The following KCNQ1 variants were observed in gnomAD, a reference collection of about 807,000 sequenced individuals.
KCNQ1 encodes potassium voltage-gated channel subfamily Q member 1, also known as potassium voltage-gated channel subfamily KQT member 1.
KCNQ1 carries 49 observed loss-of-function variants against 72.4 expected under a neutral mutation model. That is an observed-to-expected ratio of 0.68 (90% CI 0.54 to 0.86). The LOEUF (loss-of-function observed/expected upper bound fraction) is 0.86. Among genes scored for constraint, KCNQ1 ranks in the 40% least tolerant of loss-of-function variants. The probability of loss-of-function intolerance (pLI) is 0.00; values close to 1 mark genes in which losing one functional copy is unlikely to be tolerated. For synonymous variants in KCNQ1, 450 were observed against 412.6 expected (o/e 1.09, Z -1.10); for missense variants, 790 against 945.1 (o/e 0.84, Z 2.15).
rs1254790588 is a variant in KCNQ1, at chr11:2,494,868, A to T, written c.387-33060A>T. On this transcript the variant is annotated intron_variant, in intron 1 of 15. Transcript: ENST00000155840. The surrounding 1 kb of genome is among the most constrained non-coding windows in gnomAD (Gnocchi z 4.6). Reference sequence around the variant, plus strand: ...GCTGGCCTCATAAAATGAGTTAGGGAGGGGTCCCTCTTTTTCTACTGTTTG... The same window carrying T: ...GCTGGCCTCATAAAATGAGTTAGGGTGGGGTCCCTCTTTTTCTACTGTTTG... 6.6e-6 allele frequency among the ~76,000 whole-genome samples: 1 copy of T among 152,084 alleles called. No homozygotes were observed. Among genetic ancestry groups the T allele is most frequent in the African/African-American group, 2.4e-5 (1 of 41,412 alleles).
chr11:2,644,786 G>A lies in KCNQ1; in HGVS notation c.1394-17175G>A, dbSNP rs139384812. 5.9e-3 allele frequency: 2,366 copies of A among 398,616 alleles called. 34 individuals are homozygous for A. The highest frequency in any genetic ancestry group is 0.035 in the African/African-American group (1,721 of 48,746). The allele number at this position is 398,616 out of a possible 1,614,324, so 24.7% of individuals were successfully genotyped here. On this transcript the variant is annotated intron_variant, in intron 10 of 15. Coordinates refer to ENST00000155840, the MANE Select transcript of KCNQ1 (RefSeq NM_000218.3). ...TGATTCTGGGTGCCTGCAGTAGTGT[G>A]ATCTCCATGGAATTTTTTTCAGCTG...
At chr11:2,743,136 G>A (rs1014733336) in intron 11 of KCNQ1, among the ~76,000 whole-genome samples, 2 of 152,194 alleles carry the variant, frequency 1.3e-5, no homozygotes, top group African/African-American at 4.8e-5. Context: ...TCTGGGCCTG[G>A]AGACCCAGTT....
Position 2,848,451 on chromosome 11 carries a change from G to A in KCNQ1, c.*448G>A, listed in dbSNP as rs944660985. 2.2e-6 allele frequency: 1 copy of A among 463,480 alleles called. No individual in the cohort carries two copies. The highest frequency in any genetic ancestry group is 4.3e-6 in the Non-Finnish European group (1 of 233,414). The allele number at this position is 463,480 out of a possible 1,614,324, so 28.7% of individuals were successfully genotyped here. ...CCAGGACCCTGCCAGGCACAGGCAG[G>A]GCAGGACCAGCCCACGCTGACTACA... On this transcript the variant is annotated 3_prime_UTR_variant, in exon 16 of 16. Coordinates refer to ENST00000155840, the MANE Select transcript of KCNQ1 (RefSeq NM_000218.3).
At chr11:2,777,611 C>CGG (rs34601797) in intron 14 of KCNQ1, 102,002 of 516,448 alleles carry the variant, frequency 0.2, 11,168 homozygotes, top group African/African-American at 0.37. Context: ...GCTGGTGTAA[C>CGG]GGAGCAGCGG....
At chr11:2,686,140 T>G (rs1051246310) in intron 11 of KCNQ1, 21 of 398,720 alleles carry the variant, frequency 5.3e-5, no homozygotes, top group Non-Finnish European at 8.8e-6. Flanking sequence ...GCCCCCTTGC[T>G]TCTGGGGTTT....
At chr11:2,802,727 T>C (rs192936171) in intron 15 of KCNQ1, among the ~76,000 whole-genome samples, 47 of 152,304 alleles carry the variant, frequency 3.1e-4, no homozygotes. Context: ...AGGAGGCGTT[T>C]GCAGGGCGGG....
Position 2,482,842 on chromosome 11 carries a change from C to G in KCNQ1, c.386+37358C>G, listed in dbSNP as rs760100444. Among the ~76,000 whole-genome samples, 2 of 151,018 alleles carry G rather than the reference C, an allele frequency of 1.3e-5. No homozygotes were observed. Among genetic ancestry groups the G allele is most frequent in the Non-Finnish European group, 1.5e-5 (1 of 68,046 alleles). On this transcript the variant is annotated intron_variant, in intron 1 of 15. Transcript: ENST00000155840. This position sits in a 1 kb window ranked among gnomAD's most constrained non-coding sequence, Gnocchi z 5.7. ...GCACCTGCAGCAGCAAGACTGTCATCTAGGTTGTTGGGGAAACCAGGAGTG... is the reference window on the plus strand; with the variant it reads ...GCACCTGCAGCAGCAAGACTGTCATGTAGGTTGTTGGGGAAACCAGGAGTG...
At chr11:2,807,584 C>G (rs1200945068) in intron 15 of KCNQ1, among the ~76,000 whole-genome samples, 1 of 152,206 alleles carries the variant, frequency 6.6e-6, no homozygotes, top group Non-Finnish European at 1.5e-5. Context: ...TCGGGCCCAG[C>G]CTACCAGGCC....
intron 15 of KCNQ1, among the ~76,000 whole-genome samples, chr11:2,779,197 A>G (rs1005968913): frequency 1.5e-4 from 23 of 152,346 alleles, no homozygotes; most frequent in African/African-American, 5.5e-4. Context: ...CTGGCAGGAC[A>G]GGAAGCAAGA....
Position 2,651,651 on chromosome 11 carries a change from C to T in KCNQ1, c.1394-10310C>T, listed in dbSNP as rs1465563306. The T allele has an allele frequency of 7.5e-6, 3 of 398,574 alleles. No homozygotes were observed. Among genetic ancestry groups the T allele is most frequent in the Non-Finnish European group, 1.3e-5 (3 of 226,102 alleles). The allele number at this position is 398,574 out of a possible 1,614,324, so 24.7% of individuals were successfully genotyped here. On this transcript the variant is annotated intron_variant, in intron 10 of 15. Transcript: ENST00000155840. The surrounding 1 kb of genome is among the most constrained non-coding windows in gnomAD (Gnocchi z 6.1). ...CCCCACCTGGGGTCTCTGTCTCTCC[C>T]ACAGCTCACTGACATTAGCCACGTG...
chr11:2,786,582 T>A (rs1846919332), intron 15 of KCNQ1, among the ~76,000 whole-genome samples: 1 of 39,092 alleles, frequency 2.6e-5, no homozygotes, highest in Admixed American at 1.8e-4. Flanking sequence ...TCTCTTAACC[T>A]TTTTTTTTTT....
At chr11:2,801,796 G>A (rs1847271853) in intron 15 of KCNQ1, among the ~76,000 whole-genome samples, 2 of 152,196 alleles carry the variant, frequency 1.3e-5, no homozygotes, top group Admixed American at 1.3e-4. Context: ...TTGTTGCGGG[G>A]GTGTCCTTGC....
intron 1 of KCNQ1, among the ~76,000 whole-genome samples, chr11:2,519,548 A>T (rs989411125): frequency 1.3e-5 from 2 of 152,156 alleles, no homozygotes; most frequent in African/African-American, 4.8e-5. Context: ...TGAGCCCAGG[A>T]AATCGAGGCT....
In KCNQ1 at chr11:2,564,151, C is replaced by T. The variant is rs535901808; in HGVS notation, c.478-6477C>T. Among the ~76,000 whole-genome samples the T allele has an allele frequency of 3.9e-5, 6 of 152,328 alleles. No homozygotes were observed. The highest frequency in any genetic ancestry group is 2.1e-4 in the South Asian group (1 of 4,826). ...TTCAGCCATTTCAGCCATTTCACAG[C>T]GTGCAATTTGGTGGCATTTAGTATG... On this transcript the variant is annotated intron_variant, in intron 2 of 15. Coordinates refer to ENST00000155840, the MANE Select transcript of KCNQ1 (RefSeq NM_000218.3). This position sits in a 1 kb window ranked among gnomAD's most constrained non-coding sequence, Gnocchi z 4.5.
intron 1 of KCNQ1, among the ~76,000 whole-genome samples, chr11:2,502,547 A>G (rs770123801): frequency 2.0e-5 from 3 of 152,212 alleles, no homozygotes; most frequent in African/African-American, 4.8e-5. Flanking sequence ...AGGACCCAAA[A>G]ATGGTAAGAT....
intron 10 of KCNQ1, among the ~76,000 whole-genome samples, chr11:2,605,775 A>G (rs1447041038): frequency 1.3e-5 from 2 of 152,170 alleles, no homozygotes; most frequent in Non-Finnish European, 2.9e-5. Flanking sequence ...TTGCATTTTC[A>G]TATGAAGTTG....
In KCNQ1 at chr11:2,669,354, G is replaced by A. The variant is rs1850141609; in HGVS notation, c.1514+7273G>A. On this transcript the variant is annotated intron_variant, in intron 11 of 15. Coordinates refer to ENST00000155840, the MANE Select transcript of KCNQ1 (RefSeq NM_000218.3). This position sits in a 1 kb window ranked among gnomAD's most constrained non-coding sequence, Gnocchi z 5.6. ...GGCGCAGCAGCCTCTAGATGGGCAT[G>A]GGAGAATGGGTATCCTTATAGTTTT... is the stretch of plus-strand genomic sequence containing the variant. The A allele has an allele frequency of 2.5e-6, 1 of 398,648 alleles. No homozygotes were observed. The allele number at this position is 398,648 out of a possible 1,614,324, so 24.7% of individuals were successfully genotyped here.
In KCNQ1 at chr11:2,640,905, C is replaced by G. The variant is rs1228735351; in HGVS notation, c.1394-21056C>G. 1.0e-5 allele frequency: 4 copies of G among 399,580 alleles called. No individual in the cohort carries two copies. In the East Asian group the frequency reaches 1.4e-4, roughly 14 times the overall value. The allele number at this position is 399,580 out of a possible 1,614,324, so 24.8% of individuals were successfully genotyped here. ...ATGAGATCAACTTTTATAGCTCCCACATATGATAATAACATAAGATAATTA... is the reference window on the plus strand; with the variant it reads ...ATGAGATCAACTTTTATAGCTCCCAGATATGATAATAACATAAGATAATTA... On this transcript the variant is annotated intron_variant, in intron 10 of 15. Coordinates refer to ENST00000155840, the MANE Select transcript of KCNQ1 (RefSeq NM_000218.3).
chr11:2,719,860 C>T (rs145223366), intron 11 of KCNQ1, among the ~76,000 whole-genome samples: 8 of 152,218 alleles, frequency 5.3e-5, no homozygotes, highest in Non-Finnish European at 1.2e-4. Context: ...TGGAGGTGTC[C>T]GAATAGTCCA....
Sources: allele counts gnomAD v4.1 joint callset (sites outside exome capture counted in the v4.1 genomes callset), GRCh38; gene constraint gnomAD v4.1.1; non-coding constraint Gnocchi (gnomAD v3.1); transcripts MANE v1.5; gene names NCBI Gene and HGNC (gene_info 2026-07-23, HGNC 2026-07-21).